GBF1: variants seen among roughly 807,000 people sequenced by gnomAD.
The protein encoded by GBF1 is Golgi-specific brefeldin A-resistance guanine nucleotide exchange factor 1.
A neutral mutation model predicts 210.5 loss-of-function variants in GBF1; 114 were observed. The observed-to-expected ratio is 0.54, with a 90% CI of 0.47 to 0.63. The LOEUF is 0.63. Among genes scored for constraint, GBF1 ranks in the 30% least tolerant of loss-of-function variants. The pLI, the probability that GBF1 is intolerant of heterozygous loss-of-function variation, is 0.00. For missense variants in GBF1, 1,851 were observed against 2,357.7 expected (o/e 0.79, Z 4.45); for synonymous variants, 850 against 889.2 (o/e 0.96, Z 0.78).
At chr10:102,356,400 G>A (rs1455594990) in intron 8 of GBF1, among the ~76,000 whole-genome samples, 1 of 152,176 alleles carries the variant, frequency 6.6e-6, no homozygotes. Flanking sequence ...TGGTCTATCA[G>A]TCTAGGAATA....
the GBF1 span, among the ~76,000 whole-genome samples, chr10:102,239,774 TC>T: frequency 6.6e-6 from 1 of 152,248 alleles, no homozygotes; most frequent in African/African-American, 2.4e-5. Context: ...TCTGTCCTCT[TC>T]AGCATAATTG....
chr10:102,378,340 C>T (rs1186676656), intron 33 of GBF1, among the ~76,000 whole-genome samples: 1 of 151,522 alleles, frequency 6.6e-6, no homozygotes, highest in Non-Finnish European at 1.5e-5. Context: ...ATGAGATTAA[C>T]AGCCAGGTAC....
chr10:102,295,337 G>C (rs2076826623), intron 3 of GBF1, among the ~76,000 whole-genome samples: 1 of 152,212 alleles, frequency 6.6e-6, no homozygotes, highest in Non-Finnish European at 1.5e-5. Context: ...ATTCAATTCA[G>C]TTTTAACTCT....
At chr10:102,380,971 A>G (rs997595420) in intron 38 of GBF1, among the ~76,000 whole-genome samples, 156 bp from the exon 39 acceptor site, 2 of 152,036 alleles carry the variant, frequency 1.3e-5, no homozygotes, top group South Asian at 2.1e-4. Context: ...TCACAGCCTG[A>G]GTGACAGAAC....
At chr10:102,262,072 A>G (rs543039340) in intron 3 of GBF1, among the ~76,000 whole-genome samples, 18 of 152,118 alleles carry the variant, frequency 1.2e-4, no homozygotes, top group Non-Finnish European at 2.6e-4. Context: ...TTTAGTAGAG[A>G]TGATGTTTCA....
chr10:102,371,291 A>G (rs1254385550), intron 29 of GBF1, among the ~76,000 whole-genome samples: 1 of 152,268 alleles, frequency 6.6e-6, no homozygotes, highest in Non-Finnish European at 1.5e-5. Context: ...AATGAACAAT[A>G]TGGAAACTGA....
intron 8 of GBF1, among the ~76,000 whole-genome samples, chr10:102,356,218 G>T (rs1215893108): frequency 6.6e-6 from 1 of 152,178 alleles, no homozygotes; most frequent in Non-Finnish European, 1.5e-5. Flanking sequence ...CTTGAGGAAG[G>T]GAGTCAATCC....
intron 33 of GBF1, 145 bp from the exon 34 acceptor site, chr10:102,379,139 G>A (rs1007408947): frequency 1.9e-5 from 13 of 690,354 alleles, no homozygotes; most frequent in Non-Finnish European, 3.2e-5. Flanking sequence ...GTCAAGTCAA[G>A]GGAAAGAGTA....
the GBF1 span, among the ~76,000 whole-genome samples, chr10:102,233,437 G>A: frequency 2.6e-5 from 4 of 151,204 alleles, no homozygotes; most frequent in African/African-American, 7.3e-5. Context: ...CCATGTAGCT[G>A]GGACTACAGG....
At chr10:102,230,753 C>T in the GBF1 span, 1 of 1,489,132 alleles carries the variant, frequency 6.7e-7, no homozygotes, top group Non-Finnish European at 8.9e-7. Context: ...GGAGCCAGCC[C>T]GGGGGGGCCC....
At chr10:102,312,415 C>T (rs1432787179) in intron 3 of GBF1, among the ~76,000 whole-genome samples, 2 of 152,182 alleles carry the variant, frequency 1.3e-5, no homozygotes, top group Admixed American at 6.5e-5. Context: ...CACGGCAGCT[C>T]TATGTGTAGG....
intron 3 of GBF1, among the ~76,000 whole-genome samples, chr10:102,331,330 C>T (rs1321937691): frequency 6.6e-6 from 1 of 151,932 alleles, no homozygotes; most frequent in Non-Finnish European, 1.5e-5. Context: ...ACATGATGCT[C>T]CATAAAGTAC....
At chr10:102,286,864 C>T (rs2075991864) in intron 3 of GBF1, among the ~76,000 whole-genome samples, 1 of 132,948 alleles carries the variant, frequency 7.5e-6, no homozygotes, top group Admixed American at 7.9e-5. Context: ...TGAGACGACA[C>T]CCTTACAGTG....
the GBF1 span, among the ~76,000 whole-genome samples, chr10:102,239,599 T>C: frequency 1.3e-5 from 2 of 151,988 alleles, no homozygotes; most frequent in African/African-American, 4.8e-5. Flanking sequence ...GACATGGGAG[T>C]ATGGGGAATA....
At chr10:102,316,921 A>G (rs2078983501) in intron 3 of GBF1, among the ~76,000 whole-genome samples, 1 of 152,234 alleles carries the variant, frequency 6.6e-6, no homozygotes, top group African/African-American at 2.4e-5. Context: ...CAGTAATCCT[A>G]TAAATGCCAT....
chr10:102,246,712 G>A (rs538014539), intron 1 of GBF1, among the ~76,000 whole-genome samples: 19 of 152,326 alleles, frequency 1.2e-4, no homozygotes, highest in African/African-American at 4.6e-4. Flanking sequence ...ATGGCACTGT[G>A]ATGACCTTTG....
Position 102,354,275 on chromosome 10 carries a change from C to T in GBF1, c.639+621C>T, listed in dbSNP as rs141304445. ...ATGCATGCACCTGACCTTCTCCTCTCCCCTGTCATCCATCCCCATTCCTGC... is the reference window on the plus strand; with the variant it reads ...ATGCATGCACCTGACCTTCTCCTCTTCCCTGTCATCCATCCCCATTCCTGC... On this transcript the variant is annotated intron_variant, in intron 8 of 39. Transcript: ENST00000369983. Among the ~76,000 whole-genome samples the T allele has an allele frequency of 9.6e-4, 146 of 152,262 alleles. 2 individuals carry two copies. In the East Asian group the frequency reaches 0.025, roughly 26 times the overall value.
intron 3 of GBF1, among the ~76,000 whole-genome samples, chr10:102,265,023 T>C (rs2073709594): frequency 6.6e-6 from 1 of 152,180 alleles, no homozygotes; most frequent in African/African-American, 2.4e-5. Flanking sequence ...GACCTTGTGG[T>C]AGGATCTGTG....
chr10:102,328,264 A>G (rs1294709874), intron 3 of GBF1, among the ~76,000 whole-genome samples: 2 of 152,188 alleles, frequency 1.3e-5, no homozygotes, highest in Admixed American at 1.3e-4. Flanking sequence ...AGGCCAAGGA[A>G]GGAGGATCAC....
Sources: gnomAD v4.1 joint callset for allele counts (sites outside exome capture counted in the v4.1 genomes callset) on GRCh38, gnomAD v4.1.1 for gene constraint, MANE v1.5 for transcripts, NCBI Gene and HGNC (gene_info 2026-07-23, HGNC 2026-07-21) for gene names.